SMIM26: variants seen among roughly 807,000 people sequenced by gnomAD.
SMIM26 encodes small integral membrane protein 26.
In SMIM26, 2 loss-of-function variants were observed where a neutral mutation model predicts 2.5. That is an observed-to-expected ratio of 0.80 (90% CI 0.33 to 2.53). The LOEUF (loss-of-function observed/expected upper bound fraction) is 2.53. SMIM26 is among the 30% of genes most tolerant of loss of function. SMIM26 has a pLI of 0.11. For synonymous variants in SMIM26, 32 were observed against 17.8 expected, an observed-to-expected ratio of 1.80 and a Z score of -2.01; for missense variants, 77 against 46.1, an observed-to-expected ratio of 1.67 and a Z score of -1.94.
chr20:18,568,469 C>G (rs902675443), intron 1 of SMIM26, among the ~76,000 whole-genome samples: 14 of 151,654 alleles, frequency 9.2e-5, no homozygotes, highest in Non-Finnish European at 2.9e-5. Flanking sequence ...TGGGGAGACC[C>G]CCATCTCTAC....
Position 18,567,575 on chromosome 20 carries a change from C to A in SMIM26, c.97C>A (p.Arg33=). The part of the protein sequence containing the change: ...SVLGSLLYYS[R]TMAKSSVDQK... The stretch of plus-strand genomic sequence containing the variant: ...GTTGGGCTCACTGCTTTACTATAGC[C>A]GGACAATGGCGAAGTCGTCAGGTAG... The change falls in exon 1 of 2, where the codon CGG becomes AGG. Residue 33 remains arginine (R), a synonymous_variant. Coordinates refer to ENST00000411646, the MANE Select transcript of SMIM26 (RefSeq NM_001348957.2). The A allele has an allele frequency of 4.3e-6, 3 of 703,042 alleles. No homozygotes were observed. In the South Asian group the frequency reaches 4.4e-5, roughly 10 times the overall value. 43.6% of individuals were successfully genotyped at this position (703,042 alleles called of 1,614,324 possible). A position where few individuals can be genotyped will look rare whatever the true frequency, so the allele number is the denominator to read the frequency against.
Position 18,569,512 on chromosome 20 carries a change from G to T in SMIM26, c.*107G>T. The T allele has an allele frequency of 3.0e-6, 2 of 672,982 alleles. No individual in the cohort carries two copies. The highest frequency in any genetic ancestry group is 5.4e-6 in the Non-Finnish European group (2 of 368,748). 41.7% of individuals were successfully genotyped at this position (672,982 alleles called of 1,614,324 possible). A position where few individuals can be genotyped will look rare whatever the true frequency, so the allele number is the denominator to read the frequency against. ...AAAAGTGTATGTATTTAAATTTGCTGTAAAACATAATCACTAATAATATGC... is the reference window on the plus strand; with the variant it reads ...AAAAGTGTATGTATTTAAATTTGCTTTAAAACATAATCACTAATAATATGC... On this transcript the variant is annotated 3_prime_UTR_variant, in exon 2 of 2. Coordinates refer to ENST00000411646, the MANE Select transcript of SMIM26 (RefSeq NM_001348957.2).
At position 18,569,286 on chromosome 20, in the gene SMIM26, C is replaced by G. The variant is rs562166414; in HGVS notation, c.169C>G (p.Arg57Gly). Residue 57 changes from arginine (R) to glycine (G), a missense_variant, in exon 2 of 2, where the codon CGC becomes GGC. Transcript: ENST00000411646. ...TGAAGTACCCAGTGAACTCTCTGAA[C>G]GCCCAAAAGGATTTTATGTGGAAAC... ...ASEVPSELSE[R>G]PKGFYVETVV... is the part of the protein sequence containing the mutation. 1 of 701,928 alleles carries G rather than the reference C, an allele frequency of 1.4e-6. No homozygotes were observed. Among genetic ancestry groups the G allele is most frequent in the Non-Finnish European group, 2.6e-6 (1 of 384,870 alleles). The allele number at this position is 701,928 out of a possible 1,614,324, so 43.5% of individuals were successfully genotyped here.
chr20:18,569,204 C>CTTTTTTTTTT (rs11475239), intron 1 of SMIM26, 32 bp from the exon 2 acceptor site: 11 of 582,218 alleles, frequency 1.9e-5, no homozygotes, highest in Non-Finnish European at 2.1e-5. Flanking sequence ...TTCAGGTGTT[C>CTTTTTTTTTT]TTTTTTTTTT....
intron 1 of SMIM26, among the ~76,000 whole-genome samples, chr20:18,568,050 A>C (rs376143576): frequency 5.3e-5 from 8 of 152,304 alleles, no homozygotes; most frequent in Middle Eastern, 3.4e-3. Context: ...TATGCTGGAA[A>C]TCTGTAGAGA....
Position 18,569,509 on chromosome 20 carries a change from G to T in SMIM26, c.*104G>T. Reference sequence around the variant, plus strand: ...GTGAAAAGTGTATGTATTTAAATTTGCTGTAAAACATAATCACTAATAATA... The same window carrying T: ...GTGAAAAGTGTATGTATTTAAATTTTCTGTAAAACATAATCACTAATAATA... On this transcript the variant is annotated 3_prime_UTR_variant, in exon 2 of 2. Coordinates refer to ENST00000411646, the MANE Select transcript of SMIM26 (RefSeq NM_001348957.2). 2 of 689,506 alleles carry T rather than the reference G, an allele frequency of 2.9e-6. No individual in the cohort carries two copies. The highest frequency in any genetic ancestry group is 5.3e-6 in the Non-Finnish European group (2 of 378,556). The allele number at this position is 689,506 out of a possible 1,614,324, so 42.7% of individuals were successfully genotyped here.
At position 18,567,603 on chromosome 20, in the gene SMIM26, C is replaced by T. The variant is rs1045453063; in HGVS notation, c.118+7C>T. The T allele has an allele frequency of 1.4e-6, 1 of 703,036 alleles. No individual in the cohort carries two copies. Among genetic ancestry groups the T allele is most frequent in the Non-Finnish European group, 2.6e-6 (1 of 384,994 alleles). 43.5% of individuals were successfully genotyped at this position (703,036 alleles called of 1,614,324 possible). A position where few individuals can be genotyped will look rare whatever the true frequency, so the allele number is the denominator to read the frequency against. ...ACAATGGCGAAGTCGTCAGGTAGGGCTCTTCGGCGGGGCCTGCCCCGGAAC... is the reference window on the plus strand; with the variant it reads ...ACAATGGCGAAGTCGTCAGGTAGGGTTCTTCGGCGGGGCCTGCCCCGGAAC... On this transcript the variant is annotated splice_region_variant and intron_variant, in intron 1 of 1. Transcript: ENST00000411646.
chr20:18,569,507 T>TATTTAAA lies in SMIM26; in HGVS notation c.*102_*103insATTTAAA. ...TTGTGAAAAGTGTATGTATTTAAAT[T>TATTTAAA]TGCTGTAAAACATAATCACTAATAA... On this transcript the variant is annotated 3_prime_UTR_variant, in exon 2 of 2. Coordinates refer to ENST00000411646, the MANE Select transcript of SMIM26 (RefSeq NM_001348957.2). The TATTTAAA allele has an allele frequency of 2.9e-6, 2 of 695,398 alleles. No homozygotes were observed. Among genetic ancestry groups the TATTTAAA allele is most frequent in the Non-Finnish European group, 5.2e-6 (2 of 381,596 alleles). The allele number at this position is 695,398 out of a possible 1,614,324, so 43.1% of individuals were successfully genotyped here.
At chr20:18,569,165 A>G in intron 1 of SMIM26, 71 bp from the exon 2 acceptor site, 1 of 614,884 alleles carries the variant, frequency 1.6e-6, no homozygotes, top group Non-Finnish European at 2.9e-6. Context: ...AATTTCTAAG[A>G]CTTTAATGAC....
rs1157058663 is a variant in SMIM26 at position 18,569,402 on chromosome 20, A to G, written c.285A>G (p.Pro95=). Residue 95 remains proline, a synonymous_variant, in exon 2 of 2, where the codon CCA becomes CCG. Coordinates refer to ENST00000411646, the MANE Select transcript of SMIM26 (RefSeq NM_001348957.2). ...GGACTGGTGGCCCTGGTACAGAACCATGACTGGCTGCTGAATTCTGAAAAC... is the reference window on the plus strand; with the variant it reads ...GGACTGGTGGCCCTGGTACAGAACCGTGACTGGCTGCTGAATTCTGAAAAC... ...KSWTGGPGTE[P] The G allele has an allele frequency of 1.4e-6, 1 of 702,904 alleles. No homozygotes were observed. Among genetic ancestry groups the G allele is most frequent in the Admixed American group, 2.0e-5 (1 of 50,006 alleles). The allele number at this position is 702,904 out of a possible 1,614,324, so 43.5% of individuals were successfully genotyped here.
rs1322807329 is a variant in SMIM26, at chr20:18,567,541, C to T, written c.63C>T (p.Thr21=). 4 of 702,968 alleles carry T rather than the reference C, an allele frequency of 5.7e-6. No homozygotes were observed. The highest frequency in any genetic ancestry group is 5.2e-6 in the Non-Finnish European group (2 of 384,984). 43.5% of individuals were successfully genotyped at this position (702,968 alleles called of 1,614,324 possible). The part of the protein sequence containing the change: ...RRMSVVYGIG[T]WSVLGSLLYY... ...TGTCGGTGGTCTACGGGATCGGCAC[C>T]TGGTCTGTGTTGGGCTCACTGCTTT... The change falls in exon 1 of 2, where the codon ACC becomes ACT. Residue 21 remains threonine (T), a synonymous_variant. Transcript: ENST00000411646.
chr20:18,568,869 C>A, intron 1 of SMIM26: 1 of 163,818 alleles, frequency 6.1e-6, no homozygotes, highest in Non-Finnish European at 1.3e-5. Context: ...CTCCATCTCC[C>A]AACTCAAGCA....
chr20:18,569,059 C>T (rs895314076), intron 1 of SMIM26, 177 bp from the exon 2 acceptor site: 9 of 522,680 alleles, frequency 1.7e-5, no homozygotes, highest in African/African-American at 5.7e-5. Flanking sequence ...GGATTACAGG[C>T]GTGAGCCACC....
Position 18,567,525 on chromosome 20 carries a change from T to C in SMIM26, c.47T>C (p.Val16Ala), listed in dbSNP as rs113395265. ...GCCTGGTACCGGCGGATGTCGGTGG[T>C]CTACGGGATCGGCACCTGGTCTGTG... is the stretch of plus-strand genomic sequence containing the variant. ...FTAWYRRMSV[V>A]YGIGTWSVLG... is the part of the protein sequence containing the mutation. The change falls in exon 1 of 2, where the codon GTC becomes GCC. Residue 16 changes from valine (V) to alanine (A), a missense_variant. Physicochemically the swap from Val to Ala is moderately conservative, Grantham distance 64 (BLOSUM62 0). Coordinates refer to ENST00000411646, the MANE Select transcript of SMIM26 (RefSeq NM_001348957.2). The C allele has an allele frequency of 2.8e-6, 2 of 702,890 alleles. No homozygotes were observed. Among genetic ancestry groups the C allele is most frequent in the Non-Finnish European group, 5.2e-6 (2 of 385,016 alleles). 43.5% of individuals were successfully genotyped at this position (702,890 alleles called of 1,614,324 possible). A position where few individuals can be genotyped will look rare whatever the true frequency, so the allele number is the denominator to read the frequency against.
chr20:18,569,024 C>T, intron 1 of SMIM26: 1 of 445,958 alleles, frequency 2.2e-6, no homozygotes, highest in Non-Finnish European at 4.0e-6. Context: ...GGTCCACCTG[C>T]CTCGGCCCCC....
At chr20:18,569,205 T>C (rs777492074) in intron 1 of SMIM26, 31 bp from the exon 2 acceptor site, 285 of 77,958 alleles carry the variant, frequency 3.7e-3, no homozygotes, top group Non-Finnish European at 6.9e-3. Flanking sequence ...TCAGGTGTTC[T>C]TTTTTTTTTT....
At chr20:18,567,620 C>T (rs1342442050) in intron 1 of SMIM26, 24 bp downstream of exon 1, 2 of 702,658 alleles carry the variant, frequency 2.8e-6, no homozygotes, top group Admixed American at 2.0e-5. Context: ...GCGGGGCCTG[C>T]CCCGGAACAC....
chr20:18,568,940 T>A, intron 1 of SMIM26: 2 of 245,972 alleles, frequency 8.1e-6, no homozygotes, highest in South Asian at 7.2e-5. Context: ...CACGCCCAGC[T>A]AATTTTTGTA....
chr20:18,569,199 G>A (rs1373197268), intron 1 of SMIM26, 37 bp from the exon 2 acceptor site: 4 of 616,302 alleles, frequency 6.5e-6, no homozygotes, highest in Non-Finnish European at 1.1e-5. Context: ...AATAATTCAG[G>A]TGTTCTTTTT....
Sources: gnomAD v4.1 joint callset for allele counts (sites outside exome capture counted in the v4.1 genomes callset) on GRCh38, gnomAD v4.1.1 for gene constraint, MANE v1.5 for transcripts, NCBI Gene and HGNC (gene_info 2026-07-23, HGNC 2026-07-21) for gene names.